The following PIK3C2G variants were observed in gnomAD, a reference collection of about 807,000 sequenced individuals.
PIK3C2G encodes the protein phosphatidylinositol-4-phosphate 3-kinase catalytic subunit type 2 gamma, also known as phosphatidylinositol 3-kinase C2 domain-containing subunit gamma.
PIK3C2G carries 168 observed loss-of-function variants against 181.1 expected under a neutral mutation model. The ratio of observed to expected loss-of-function variants is 0.93; its 90% CI spans 0.82 to 1.05. The LOEUF (loss-of-function observed/expected upper bound fraction) is 1.05. Ranked by LOEUF, PIK3C2G falls within the 50% of genes least tolerant of loss-of-function variation. PIK3C2G has a pLI of 0.00. For missense variants in PIK3C2G, 1,869 were observed against 1,732.8 expected (o/e 1.08, Z -1.40); for synonymous variants, 573 against 592.2 (o/e 0.97, Z 0.47).
chr12:18,307,088 C>T (rs1192454050), intron 5 of PIK3C2G, among the ~76,000 whole-genome samples: 1 of 148,558 alleles, frequency 6.7e-6, no homozygotes, highest in Non-Finnish European at 1.5e-5. Flanking sequence ...TGCTTACTTG[C>T]TCATAAGACA....
At chr12:18,282,801 G>T in intron 2 of PIK3C2G, 42 bp downstream of exon 2, 1 of 1,276,616 alleles carries the variant, frequency 7.8e-7, no homozygotes, top group Non-Finnish European at 1.1e-6. Context: ...GAATCTGAAA[G>T]AATCATTCAA....
intron 16 of PIK3C2G, among the ~76,000 whole-genome samples, chr12:18,417,805 T>C (rs562481964): frequency 3.4e-4 from 52 of 152,208 alleles, no homozygotes; most frequent in African/African-American, 1.2e-3. Flanking sequence ...TACTTTATTG[T>C]GGTGGTCTGG....
intron 5 of PIK3C2G, among the ~76,000 whole-genome samples, chr12:18,306,240 G>T (rs1311120872): frequency 1.3e-5 from 2 of 151,946 alleles, no homozygotes; most frequent in African/African-American, 4.8e-5. Flanking sequence ...GAAAGTTTCA[G>T]ATCTCCTTGG....
intron 1 of PIK3C2G, among the ~76,000 whole-genome samples, chr12:18,250,567 C>T (rs1314521903): frequency 3.9e-5 from 6 of 151,966 alleles, no homozygotes; most frequent in Non-Finnish European, 8.8e-5. Flanking sequence ...AGCAGATATT[C>T]CCTTCATTAA....
chr12:18,613,070 A>G (rs2136618575), intron 31 of PIK3C2G, among the ~76,000 whole-genome samples: 1 of 152,250 alleles, frequency 6.6e-6, no homozygotes, highest in East Asian at 1.9e-4. Flanking sequence ...TAGATTTGAA[A>G]TATTTTTAAA....
In PIK3C2G at chr12:18,253,433, C is replaced by T. The variant is rs187511254; in HGVS notation, c.-79+5351C>T. On this transcript the variant is annotated intron_variant, in intron 1 of 11. Coordinates refer to the PIK3C2G transcript ENST00000535651. ...AAGCAAAGGTATGTGAATAAAACAC[C>T]GATTCCATATTATAGTGGGAGAGTA... Among the ~76,000 whole-genome samples the T allele has an allele frequency of 3.3e-4, 50 of 152,016 alleles. 1 individual carries two copies. The highest frequency in any genetic ancestry group is 1.9e-3 in the South Asian group (9 of 4,798).
At chr12:18,324,163 G>A (rs892577901) in intron 7 of PIK3C2G, among the ~76,000 whole-genome samples, 2 of 151,864 alleles carry the variant, frequency 1.3e-5, no homozygotes, top group African/African-American at 4.8e-5. Context: ...GGAGCCTGCA[G>A]TGAGCGGAGA....
At chr12:18,371,346 T>C in intron 13 of PIK3C2G, 35 bp downstream of exon 13, 1 of 1,544,298 alleles carries the variant, frequency 6.5e-7, no homozygotes, top group Non-Finnish European at 8.8e-7. Context: ...AAGCCTATCA[T>C]TTCAATAAAA....
intron 8 of PIK3C2G, among the ~76,000 whole-genome samples, chr12:18,334,750 G>T (rs1212673292): frequency 6.6e-6 from 1 of 152,014 alleles, no homozygotes; most frequent in African/African-American, 2.4e-5. Flanking sequence ...TCACCCTGCT[G>T]CATTTTGTGT....
chr12:18,562,718 T>C lies in PIK3C2G; in HGVS notation c.3606T>C (p.Ser1202=), dbSNP rs1280825766. ...TSHFTKKIKE[S]LECFPVKLNN... Reference sequence around the variant, plus strand: ...ATTTCTCTAGGAAAATAAAGGAAAGTCTGGAGTGTTTCCCTGTTAAATTGA... The same window carrying C: ...ATTTCTCTAGGAAAATAAAGGAAAGCCTGGAGTGTTTCCCTGTTAAATTGA... Residue 1202 remains serine (S), a synonymous_variant, in exon 27 of 33, where the codon AGT becomes AGC. Transcript: ENST00000538779. The C allele has an allele frequency of 6.3e-7, 1 of 1,591,828 alleles. No individual in the cohort carries two copies.
intron 20 of PIK3C2G, among the ~76,000 whole-genome samples, chr12:18,493,998 A>T (rs1170624183): frequency 2.0e-5 from 3 of 152,192 alleles, no homozygotes; most frequent in Non-Finnish European, 4.4e-5. Flanking sequence ...CTTAGGGAAA[A>T]CAAGCACCAG....
At chr12:18,702,453 G>A in the PIK3C2G span, among the ~76,000 whole-genome samples, 1 of 151,986 alleles carries the variant, frequency 6.6e-6, no homozygotes, top group Non-Finnish European at 1.5e-5. Context: ...TTAAGTACCG[G>A]CTCTGTTATA....
intron 18 of PIK3C2G, among the ~76,000 whole-genome samples, chr12:18,429,957 A>G (rs1946062669): frequency 6.6e-6 from 1 of 152,194 alleles, no homozygotes; most frequent in South Asian, 2.1e-4. Context: ...GATATAATTT[A>G]CATTCCAGAG....
intron 24 of PIK3C2G, among the ~76,000 whole-genome samples, chr12:18,512,496 G>A (rs2136146848): frequency 6.6e-6 from 1 of 151,926 alleles, no homozygotes; most frequent in Middle Eastern, 3.4e-3. Context: ...GTTTTACAGT[G>A]TTCACTATAC....
At chr12:18,638,352 A>G (rs947967837) in intron 31 of PIK3C2G, among the ~76,000 whole-genome samples, 1 of 152,210 alleles carries the variant, frequency 6.6e-6, no homozygotes, top group Admixed American at 6.5e-5. Flanking sequence ...CCACTGGGGT[A>G]AGGAGGCCAC....
At chr12:18,526,624 TTTTG>T (rs1411747161) in intron 24 of PIK3C2G, among the ~76,000 whole-genome samples, 1 of 152,142 alleles carries the variant, frequency 6.6e-6, no homozygotes, top group Non-Finnish European at 1.5e-5. Flanking sequence ...ACCAAGGGTT[TTTTG>T]TTTGTTGTTT....
chr12:18,594,465 G>C, intron 29 of PIK3C2G, 29 bp from the exon 30 acceptor site: 1 of 1,384,254 alleles, frequency 7.2e-7, no homozygotes. Context: ...AAGAAATAAA[G>C]AAATATTATG....
chr12:18,326,406 A>G (rs1951347807), intron 8 of PIK3C2G, among the ~76,000 whole-genome samples: 1 of 152,244 alleles, frequency 6.6e-6, no homozygotes, highest in Non-Finnish European at 1.5e-5. Flanking sequence ...GATTCCTGAT[A>G]TAAATAAAAG....
At chr12:18,537,062 C>A (rs528824586) in intron 24 of PIK3C2G, among the ~76,000 whole-genome samples, 1 of 152,078 alleles carries the variant, frequency 6.6e-6, no homozygotes, top group East Asian at 1.9e-4. Flanking sequence ...TGCAATTAGA[C>A]CCCCCTGTCC....
Sources: allele counts gnomAD v4.1 joint callset (sites outside exome capture counted in the v4.1 genomes callset), GRCh38; gene constraint gnomAD v4.1.1; transcripts MANE v1.5; gene names NCBI Gene and HGNC (gene_info 2026-07-23, HGNC 2026-07-21).